MCM10: variants seen among roughly 807,000 people sequenced by gnomAD.
MCM10 encodes minichromosome maintenance 10 replication initiation factor, also known as protein MCM10 homolog.
Under a neutral mutation model 109.9 loss-of-function variants are expected in MCM10, and 91 were observed. That is an observed-to-expected ratio of 0.83 (90% confidence interval 0.70 to 0.99). MCM10 has a LOEUF of 0.99. Ranked by LOEUF, MCM10 falls within the 50% of genes least tolerant of loss-of-function variation. The pLI, the probability that MCM10 is intolerant of heterozygous loss-of-function variation, is 0.00. For missense variants in MCM10, 1,077 were observed against 1,061.2 expected, an observed-to-expected ratio of 1.01 and a Z score of -0.21; for synonymous variants, 380 against 387.2, an observed-to-expected ratio of 0.98 and a Z score of 0.22.
At chr10:13,198,430 C>T (rs1000809649) in intron 15 of MCM10, among the ~76,000 whole-genome samples, 3 of 152,076 alleles carry the variant, frequency 2.0e-5, no homozygotes, top group African/African-American at 7.2e-5. Context: ...CTGTTGTTAT[C>T]TGTTACTATC....
intron 2 of MCM10, among the ~76,000 whole-genome samples, chr10:13,170,105 A>C (rs1834050889): frequency 6.6e-6 from 1 of 152,246 alleles, no homozygotes; most frequent in Non-Finnish European, 1.5e-5. Context: ...AATATTTTTA[A>C]AACCATCTAA....
In MCM10 at chr10:13,209,134, G is replaced by T; in HGVS notation, c.2541+1G>T. On this transcript the variant is annotated splice_donor_variant, in intron 19 of 19. Coordinates refer to ENST00000378714, the MANE Select transcript of MCM10 (RefSeq NM_018518.5). LOFTEE classifies it high-confidence loss of function. The stretch of plus-strand genomic sequence containing the variant: ...ATGGGAACGGGACGGAATGCTAAAG[G>T]TATGCCATTTGCGTACTAATTTTTG... 1 of 1,612,200 alleles carries T rather than the reference G, an allele frequency of 6.2e-7. No individual in the cohort carries two copies. Among genetic ancestry groups the T allele is most frequent in the Non-Finnish European group, 8.5e-7 (1 of 1,178,258 alleles).
chr10:13,190,149 G>A (rs796102988), intron 10 of MCM10, among the ~76,000 whole-genome samples: 7 of 152,282 alleles, frequency 4.6e-5, no homozygotes, highest in Admixed American at 3.9e-4. Flanking sequence ...GACTTGGCAC[G>A]AGGCAGCTAC....
At chr10:13,202,132 G>A (rs1288619223) in intron 17 of MCM10, among the ~76,000 whole-genome samples, 1 of 152,198 alleles carries the variant, frequency 6.6e-6, no homozygotes, top group Non-Finnish European at 1.5e-5. Context: ...GTCAAGGCAG[G>A]AGGATCACTT....
Position 13,172,641 on chromosome 10 carries a change from G to C in MCM10, c.468G>C (p.Arg156=). ...TTGATTAAGTAGAGAAGTCTCCCCG[G>C]CCACCTCTTAAGGAGAGGAGAGTTC... The part of the protein sequence containing the change: ...RLQKSPEKSP[R]PPLKERRVQR... Residue 156 remains arginine (R), a synonymous_variant, in exon 5 of 20, where the codon CGG becomes CGC. Coordinates refer to ENST00000378714, the MANE Select transcript of MCM10 (RefSeq NM_018518.5). This position sits in a 1 kb window ranked among gnomAD's most constrained non-coding sequence, Gnocchi z 5.2. 1.2e-6 allele frequency: 2 copies of C among 1,614,056 alleles called. No homozygotes were observed. The highest frequency in any genetic ancestry group is 1.7e-6 in the Non-Finnish European group (2 of 1,180,010).
At chr10:13,177,507 GCT>G (rs1491507694) in intron 6 of MCM10, among the ~76,000 whole-genome samples, 2 of 92,338 alleles carry the variant, frequency 2.2e-5, no homozygotes, top group African/African-American at 7.9e-5. Flanking sequence ...AGATTTTGGA[GCT>G]TTTTTTTTTT....
At chr10:13,163,777 C>T (rs1240735237) in intron 1 of MCM10, among the ~76,000 whole-genome samples, 2 of 152,178 alleles carry the variant, frequency 1.3e-5, no homozygotes, top group Non-Finnish European at 2.9e-5. Flanking sequence ...GTGATGCGCC[C>T]ACCTTAGCTT....
chr10:13,171,256 G>A lies in MCM10; in HGVS notation c.342G>A (p.Glu114=), dbSNP rs1475343031. Reference sequence around the variant, plus strand: ...CCAGGCGAGAGAAAACGAATGAAGAGTTGCAAGGTGCCCTAACTACTTGCC... The same window carrying A: ...CCAGGCGAGAGAAAACGAATGAAGAATTGCAAGGTGCCCTAACTACTTGCC... ...PAPRREKTNE[E]LQEELRNLQE... Residue 114 remains glutamate (E), a synonymous_variant, in exon 3 of 20, where the codon GAG becomes GAA. Transcript: ENST00000378714. The A allele has an allele frequency of 6.2e-6, 10 of 1,605,970 alleles. No individual in the cohort carries two copies. In the East Asian group the frequency reaches 1.3e-4, roughly 22 times the overall value.
chr10:13,204,146 C>A, intron 17 of MCM10, 73 bp from the exon 18 acceptor site: 1 of 1,556,544 alleles, frequency 6.4e-7, no homozygotes, highest in Non-Finnish European at 8.8e-7. Context: ...GAGCAGATTG[C>A]CCTTACTGCA....
At chr10:13,169,974 G>C (rs1834049299) in intron 2 of MCM10, among the ~76,000 whole-genome samples, 1 of 152,230 alleles carries the variant, frequency 6.6e-6, no homozygotes, top group Non-Finnish European at 1.5e-5. Context: ...CCCAAGTGCT[G>C]GGATTACAGG....
chr10:13,202,947 C>T (rs1338112782), intron 17 of MCM10, among the ~76,000 whole-genome samples: 1 of 152,112 alleles, frequency 6.6e-6, no homozygotes, highest in Non-Finnish European at 1.5e-5. Flanking sequence ...CTGGTTCAAG[C>T]GATTCTCGTG....
chr10:13,183,080 C>T lies in MCM10; in HGVS notation c.1078C>T (p.Pro360Ser). 1.2e-6 allele frequency: 2 copies of T among 1,613,928 alleles called. No homozygotes were observed. The highest frequency in any genetic ancestry group is 4.5e-5 in the East Asian group (2 of 44,880). The change falls in exon 8 of 20, where the codon CCC becomes TCC. Residue 360 changes from proline to serine, a missense_variant. Pro to Ser is a moderately conservative substitution (Grantham distance 74). Coordinates refer to ENST00000378714, the MANE Select transcript of MCM10 (RefSeq NM_018518.5). Reference protein sequence around the residue: ...VGILNANPMKPKDGSEEVCLS... With the variant: ...VGILNANPMKSKDGSEEVCLS... Reference sequence around the variant, plus strand: ...GATCCTCAATGCCAACCCCATGAAGCCCAAGGATGGTTCAGAGGAGGTAAG... The same window carrying T: ...GATCCTCAATGCCAACCCCATGAAGTCCAAGGATGGTTCAGAGGAGGTAAG...
Position 13,164,270 on chromosome 10 carries a change from C to G in MCM10, c.7+61C>G, listed in dbSNP as rs377614185. 4.0e-5 allele frequency: 60 copies of G among 1,503,740 alleles called. No homozygotes were observed. In the African/African-American group the frequency reaches 7.6e-4, roughly 19 times the overall value. 93.1% of individuals were successfully genotyped at this position (1,503,740 alleles called of 1,614,324 possible). Reference sequence around the variant, plus strand: ...GGAAAACTAACCTTTTGTCCATGGACTTGTTATTTATTCTACCTGTAAAAT... The same window carrying G: ...GGAAAACTAACCTTTTGTCCATGGAGTTGTTATTTATTCTACCTGTAAAAT... On this transcript the variant is annotated intron_variant, in intron 2 of 19. Coordinates refer to ENST00000378714, the MANE Select transcript of MCM10 (RefSeq NM_018518.5).
At chr10:13,181,107 A>G (rs180921313) in intron 7 of MCM10, among the ~76,000 whole-genome samples, 1 of 152,200 alleles carries the variant, frequency 6.6e-6, no homozygotes, top group Non-Finnish European at 1.5e-5. Flanking sequence ...ATAAATGGGA[A>G]AGTTATTCTG....
chr10:13,201,825 C>G (rs1479663185), intron 17 of MCM10: 1 of 316,354 alleles, frequency 3.2e-6, no homozygotes, highest in African/African-American at 2.1e-5. Context: ...CCGCGTGGCT[C>G]TGACTGCTCT....
intron 8 of MCM10, among the ~76,000 whole-genome samples, chr10:13,183,977 C>T (rs955054447): frequency 2.0e-5 from 3 of 152,006 alleles, no homozygotes; most frequent in African/African-American, 7.2e-5. Context: ...TCCTGCCTCA[C>T]CCTCAGCAGC....
chr10:13,165,486 A>G (rs1457663731), intron 2 of MCM10, among the ~76,000 whole-genome samples: 1 of 152,224 alleles, frequency 6.6e-6, no homozygotes, highest in Non-Finnish European at 1.5e-5. Context: ...ACTTTTTGCT[A>G]TCAGATTGAC....
At chr10:13,176,460 A>C (rs1351371265) in intron 6 of MCM10, among the ~76,000 whole-genome samples, 1 of 152,208 alleles carries the variant, frequency 6.6e-6, no homozygotes, top group Non-Finnish European at 1.5e-5. Context: ...TGCTTTTAGC[A>C]CAGTCCATTT....
intron 2 of MCM10, 45 bp downstream of exon 2, chr10:13,164,254 A>G (rs762643819): frequency 6.4e-7 from 1 of 1,568,588 alleles, no homozygotes; most frequent in East Asian, 2.3e-5. Flanking sequence ...AGGAAAACTA[A>G]CCTTTTGTCC....
Sources: allele counts gnomAD v4.1 joint callset (sites outside exome capture counted in the v4.1 genomes callset), GRCh38; gene constraint gnomAD v4.1.1; non-coding constraint Gnocchi (gnomAD v3.1); transcripts MANE v1.5; gene names NCBI Gene and HGNC (gene_info 2026-07-23, HGNC 2026-07-21).